The following TGM5 variants were observed in gnomAD, a reference collection of about 807,000 sequenced individuals.
The protein encoded by TGM5 is protein-glutamine gamma-glutamyltransferase 5.
In TGM5, 69 loss-of-function variants were observed where a neutral mutation model predicts 77.2. The observed-to-expected ratio is 0.89, with a 90% CI of 0.74 to 1.09. The LOEUF is 1.09. TGM5 is among the 50% of genes least tolerant of loss of function. The pLI, the probability that TGM5 is intolerant of heterozygous loss-of-function variation, is 0.00. For synonymous variants in TGM5, 346 were observed against 351.8 expected (o/e 0.98, Z 0.18); for missense variants, 842 against 896.5 (o/e 0.94, Z 0.78).
Position 43,233,278 on chromosome 15 carries a change from T to C in TGM5, c.2076A>G (p.Gly692=), listed in dbSNP as rs371878142. ...TCATATTAGCTTGGATCTGCCTTTG[T>C]CCACTCTTGAAGGGGACGGTCTCCA... ...IILETVPFKS[G]QRQIQANMRS... is the part of the protein sequence containing the mutation. Residue 692 remains glycine, a synonymous_variant, in exon 13 of 13, where the codon GGA becomes GGG. Transcript: ENST00000220420. The C allele has an allele frequency of 2.7e-5, 43 of 1,614,084 alleles. No homozygotes were observed. The highest frequency in any genetic ancestry group is 3.5e-5 in the Non-Finnish European group (41 of 1,180,056).
chr15:43,239,301 G>T (rs750497699), intron 7 of TGM5, 35 bp from the exon 8 acceptor site: 215 of 1,601,196 alleles, frequency 1.3e-4, no homozygotes, highest in Non-Finnish European at 1.8e-4. Flanking sequence ...ACGTTGTACT[G>T]CTTGGTCTTT....
In TGM5 at chr15:43,265,977, C is replaced by T. The variant is rs888572674; in HGVS notation, c.10+863G>A. ...GATACCATGGATATACCAAAAAAGA[C>T]CACACATGCTAATCCTATGTATTAC... On this transcript the variant is annotated intron_variant, in intron 1 of 12. Transcript: ENST00000220420. Among the ~76,000 whole-genome samples, 4 of 152,262 alleles carry T rather than the reference C, an allele frequency of 2.6e-5. No homozygotes were observed. In the South Asian group the frequency reaches 8.3e-4, roughly 32 times the overall value.
chr15:43,259,981 C>T (rs989064936), intron 3 of TGM5, 71 bp downstream of exon 3: 10 of 1,609,538 alleles, frequency 6.2e-6, no homozygotes, highest in South Asian at 4.4e-5. Flanking sequence ...GGTCTAGAAA[C>T]CCTTGAGCCT....
At chr15:43,256,964 C>G (rs766380828) in intron 3 of TGM5, among the ~76,000 whole-genome samples, 4 of 152,196 alleles carry the variant, frequency 2.6e-5, no homozygotes, top group Non-Finnish European at 4.4e-5. Context: ...GTTGAGGAAA[C>G]AGGCTCAGAG....
intron 7 of TGM5, chr15:43,239,556 T>C: frequency 2.2e-6 from 1 of 450,818 alleles, no homozygotes; most frequent in Non-Finnish European, 4.1e-6. Context: ...GGCACATGCC[T>C]ATAGTCCCAC....
At chr15:43,262,933 A>G (rs2042800340) in intron 1 of TGM5, among the ~76,000 whole-genome samples, 1 of 152,248 alleles carries the variant, frequency 6.6e-6, no homozygotes, top group South Asian at 2.1e-4. Flanking sequence ...GAAAGAAGTA[A>G]AATTGTTTCT....
intron 11 of TGM5, 90 bp downstream of exon 11, chr15:43,234,679 A>G (rs887542211): frequency 4.1e-5 from 63 of 1,540,618 alleles, no homozygotes; most frequent in Non-Finnish European, 4.7e-5. Flanking sequence ...TGCTCTCCTA[A>G]GCAGGCCCAG....
intron 6 of TGM5, among the ~76,000 whole-genome samples, chr15:43,245,532 CT>C (rs930861728): frequency 6.6e-6 from 1 of 152,028 alleles, no homozygotes; most frequent in African/African-American, 2.4e-5. Context: ...TTAATAGTAC[CT>C]TAAGTATGCA....
chr15:43,253,579 A>G lies in TGM5; in HGVS notation c.611T>C (p.Phe204Ser). 6.2e-7 allele frequency: 1 copy of G among 1,613,884 alleles called. No homozygotes were observed. The highest frequency in any genetic ancestry group is 8.5e-7 in the Non-Finnish European group (1 of 1,180,030). Residue 204 changes from phenylalanine (F) to serine (S), a missense_variant, in exon 5 of 13, where the codon TTC (phenylalanine) becomes TCC (serine). Coordinates refer to ENST00000220420, the MANE Select transcript of TGM5 (RefSeq NM_201631.4). ...ACAGTCTGTGGCTGGGTCAGTCTGG[A>G]AGTGCAGGCTCTTGTCTAGCAGCTT... ...CLKLLDKSLH[F>S]QTDPATDCAL...
rs779700115 is a variant in TGM5, at chr15:43,240,981, C to T, written c.872G>A (p.Cys291Tyr). The T allele has an allele frequency of 1.9e-6, 3 of 1,614,184 alleles. No homozygotes were observed. Among genetic ancestry groups the T allele is most frequent in the Non-Finnish European group, 2.5e-6 (3 of 1,180,042 alleles). The change falls in exon 7 of 13, where the codon TGT becomes TAT. Residue 291 changes from cysteine to tyrosine, a missense_variant. Cys to Tyr is a radical substitution (Grantham distance 194, BLOSUM62 -2). Around this residue, in one of 2 missense-constraint regions of TGM5, gnomAD observed 815 missense variants for 844.6 expected, o/e 0.96. Transcript: ENST00000220420. ...FAAVMCTVMR[C>Y]LGIPTRVITN... The stretch of plus-strand genomic sequence containing the variant: ...GATCACACGGGTAGGGATCCCCAGA[C>T]ACCTCATCACTGCAAAAAGGGCACA...
chr15:43,259,989 C>T, intron 3 of TGM5, 63 bp downstream of exon 3: 1 of 1,610,426 alleles, frequency 6.2e-7, no homozygotes, highest in Admixed American at 1.7e-5. Flanking sequence ...AACCCTTGAG[C>T]CTGTCTCTCT....
At chr15:43,239,135 G>A in intron 8 of TGM5, 28 bp downstream of exon 8, 1 of 1,614,056 alleles carries the variant, frequency 6.2e-7, no homozygotes, top group Non-Finnish European at 8.5e-7. Context: ...ACGGGAGCGG[G>A]GCCTGCCTTT....
At position 43,235,040 on chromosome 15, in the gene TGM5, C is replaced by T. The variant is rs369959500; in HGVS notation, c.1715-111G>A. On this transcript the variant is annotated intron_variant, in intron 10 of 12. Coordinates refer to ENST00000220420, the MANE Select transcript of TGM5 (RefSeq NM_201631.4). ...AAGAGAAAGTCAACAAGTACCAAATCCCAGGGAAGCAGGTGGCAGCTTTTT... is the reference window on the plus strand; with the variant it reads ...AAGAGAAAGTCAACAAGTACCAAATTCCAGGGAAGCAGGTGGCAGCTTTTT... 1.4e-5 allele frequency: 19 copies of T among 1,328,374 alleles called. No homozygotes were observed. In the East Asian group the frequency reaches 4.4e-4, roughly 30 times the overall value. 82.3% of individuals were successfully genotyped at this position (1,328,374 alleles called of 1,614,324 possible).
chr15:43,239,420 G>A (rs747324348), intron 7 of TGM5, 154 bp from the exon 8 acceptor site: 80 of 747,712 alleles, frequency 1.1e-4, no homozygotes, highest in Non-Finnish European at 1.8e-4. Context: ...GATGGCTCAT[G>A]CCAGTAATCT....
Position 43,232,835 on chromosome 15 carries a change from C to G in TGM5, c.*356G>C, listed in dbSNP as rs1443705341. Reference sequence around the variant, plus strand: ...GGAATCCCTGGGCCCTGAAAAGAGTCCAGGGGAGCTGTGCAAATGGTCCAG... The same window carrying G: ...GGAATCCCTGGGCCCTGAAAAGAGTGCAGGGGAGCTGTGCAAATGGTCCAG... On this transcript the variant is annotated 3_prime_UTR_variant, in exon 13 of 13. Coordinates refer to ENST00000220420, the MANE Select transcript of TGM5 (RefSeq NM_201631.4). The G allele has an allele frequency of 3.3e-6, 1 of 306,586 alleles. No individual in the cohort carries two copies. The highest frequency in any genetic ancestry group is 6.3e-6 in the Non-Finnish European group (1 of 159,924). The allele number at this position is 306,586 out of a possible 1,614,324, so 19.0% of individuals were successfully genotyped here. A position where few individuals can be genotyped will look rare whatever the true frequency, so the allele number is the denominator to read the frequency against.
At chr15:43,260,868 C>T (rs2042780998) in intron 1 of TGM5, among the ~76,000 whole-genome samples, 1 of 152,088 alleles carries the variant, frequency 6.6e-6, no homozygotes, top group South Asian at 2.1e-4. Context: ...CTGCCTCTGT[C>T]CAAGTCCTTC....
chr15:43,252,877 G>A lies in TGM5; in HGVS notation c.744C>T (p.Asp248=), dbSNP rs139142457. 2.6e-4 allele frequency: 424 copies of A among 1,613,850 alleles called. No homozygotes were observed. Among genetic ancestry groups the A allele is most frequent in the Non-Finnish European group, 3.0e-4 (354 of 1,180,034 alleles). The stretch of plus-strand genomic sequence containing the variant: ...CCGTCCACTCCGCAGGGTTGGCGCC[G>A]TCTGTGTAATTCTCACTCCAGTTTC... The part of the protein sequence containing the change: ...LNGNWSENYT[D]GANPAEWTGS... Residue 248 remains aspartate (D), a synonymous_variant, in exon 6 of 13, where the codon GAC becomes GAT. Coordinates refer to ENST00000220420, the MANE Select transcript of TGM5 (RefSeq NM_201631.4).
chr15:43,237,918 C>T (rs185143311), intron 9 of TGM5, among the ~76,000 whole-genome samples: 1 of 152,348 alleles, frequency 6.6e-6, no homozygotes, highest in East Asian at 1.9e-4. Context: ...TGAATGCTTG[C>T]CTCAGGATCC....
At chr15:43,254,732 C>T (rs115107591) in intron 4 of TGM5, among the ~76,000 whole-genome samples, 4,088 of 152,242 alleles carry the variant, frequency 0.027, 191 homozygotes, top group African/African-American at 0.089. Flanking sequence ...TCTTTGCTCA[C>T]ACCTTCCCTC....
Sources: allele counts gnomAD v4.1 joint callset (sites outside exome capture counted in the v4.1 genomes callset), GRCh38; gene constraint gnomAD v4.1.1; regional missense constraint gnomAD v4.1.1; transcripts MANE v1.5; gene names NCBI Gene and HGNC (gene_info 2026-07-23, HGNC 2026-07-21).